The following COMMD7 variants were observed in gnomAD, a reference collection of about 807,000 sequenced individuals.
The protein encoded by COMMD7 is COMM domain-containing protein 7.
COMMD7 carries 28 observed loss-of-function variants against 34.8 expected under a neutral mutation model. That is an observed-to-expected ratio of 0.80 (90% CI 0.60 to 1.10). The LOEUF is 1.10. Ranked by LOEUF, COMMD7 falls within the 50% of genes least tolerant of loss-of-function variation. The pLI is 0.00. For missense variants in COMMD7, 211 were observed against 241.6 expected, an observed-to-expected ratio of 0.87 and a Z score of 0.84; for synonymous variants, 80 against 86.4, an observed-to-expected ratio of 0.93 and a Z score of 0.41.
In COMMD7 at chr20:32,728,292, C is replaced by CA. The variant is rs1327343673; in HGVS notation, c.85-151dup. On this transcript the variant is annotated intron_variant, in intron 1 of 8. Coordinates refer to ENST00000278980, the MANE Select transcript of COMMD7 (RefSeq NM_053041.3). ...ATCATCCTATAGTTACAAATGTTCACAATACCCACCACCAGTGTCAATATA... is the reference window on the plus strand; with the variant it reads ...ATCATCCTATAGTTACAAATGTTCACAAATACCCACCACCAGTGTCAATATA... 1.0e-5 allele frequency: 7 copies of CA among 693,726 alleles called. No individual in the cohort carries two copies. The East Asian group carries it at 1.9e-4, about 19-fold the overall frequency. The allele number at this position is 693,726 out of a possible 1,614,324, so 43.0% of individuals were successfully genotyped here. A position where few individuals can be genotyped will look rare whatever the true frequency, so the allele number is the denominator to read the frequency against.
At chr20:32,728,519 GGAT>G (rs984144659) in intron 1 of COMMD7, among the ~76,000 whole-genome samples, 3 of 151,886 alleles carry the variant, frequency 2.0e-5, no homozygotes, top group Admixed American at 1.3e-4. Context: ...TTACCACTTT[GGAT>G]GATTTTTATT....
At chr20:32,710,562 C>A (rs1984373160) in intron 3 of COMMD7, among the ~76,000 whole-genome samples, 1 of 151,758 alleles carries the variant, frequency 6.6e-6, no homozygotes, top group African/African-American at 2.4e-5. Flanking sequence ...GAGACCCCAT[C>A]TCTACAAAAT....
intron 5 of COMMD7, among the ~76,000 whole-genome samples, chr20:32,705,167 C>T (rs1334765386): frequency 1.3e-5 from 2 of 151,896 alleles, no homozygotes; most frequent in African/African-American, 4.8e-5. Flanking sequence ...GTGCTGCCAT[C>T]ATACTGGCCC....
At position 32,715,100 on chromosome 20, in the gene COMMD7, C is replaced by A. The variant is rs117987891; in HGVS notation, c.242-8340G>T. ...GCAGGGTGGCTGAGCCTGGGGAGAT[C>A]GAGGCTGCAGTAAGCAGAGATTGTG... is the stretch of plus-strand genomic sequence containing the variant. On this transcript the variant is annotated intron_variant, in intron 3 of 8. Coordinates refer to ENST00000278980, the MANE Select transcript of COMMD7 (RefSeq NM_053041.3). Among the ~76,000 whole-genome samples, 351 of 149,696 alleles carry A rather than the reference C, an allele frequency of 2.3e-3. 13 individuals are homozygous for A. In the East Asian group the frequency reaches 0.067, roughly 29 times the overall value.
intron 3 of COMMD7, among the ~76,000 whole-genome samples, chr20:32,719,486 T>A (rs1985020002): frequency 6.6e-6 from 1 of 151,714 alleles, no homozygotes; most frequent in South Asian, 2.1e-4. Flanking sequence ...CCGTCTCTAA[T>A]AAAAATACAA....
chr20:32,742,186 C>CA (rs971373474), intron 1 of COMMD7, among the ~76,000 whole-genome samples: 70 of 140,666 alleles, frequency 5.0e-4, no homozygotes, highest in Middle Eastern at 7.4e-3. Flanking sequence ...GACTACGTCT[C>CA]AAAAAAAAAA....
In COMMD7 at chr20:32,702,783, C is replaced by T. The variant is rs1417469401; in HGVS notation, c.*599G>A. 1 of 152,264 alleles carries T rather than the reference C, an allele frequency of 6.6e-6. No individual in the cohort carries two copies. The highest frequency in any genetic ancestry group is 6.5e-5 in the Admixed American group (1 of 15,278). 9.4% of individuals were successfully genotyped at this position (152,264 alleles called of 1,614,324 possible). A position where few individuals can be genotyped will look rare whatever the true frequency, so the allele number is the denominator to read the frequency against. On this transcript the variant is annotated 3_prime_UTR_variant, in exon 9 of 9. Coordinates refer to ENST00000278980, the MANE Select transcript of COMMD7 (RefSeq NM_053041.3). ...AACTAAAATGGCCTCAAAAGGCCCA[C>T]CTCGTTACGACATGACAGGGCAAAA...
At chr20:32,735,568 C>T (rs57455797) in intron 1 of COMMD7, among the ~76,000 whole-genome samples, 1 of 152,128 alleles carries the variant, frequency 6.6e-6, no homozygotes, top group African/African-American at 2.4e-5. Context: ...CCACCTGCCT[C>T]GGCTTCCCAA....
chr20:32,704,685 C>T, intron 6 of COMMD7, 129 bp downstream of exon 6: 1 of 813,140 alleles, frequency 1.2e-6, no homozygotes, highest in East Asian at 2.5e-5. Flanking sequence ...GGACAGAATA[C>T]AAAACAGCAG....
chr20:32,739,114 A>G (rs1446052747), intron 1 of COMMD7, among the ~76,000 whole-genome samples: 1 of 152,178 alleles, frequency 6.6e-6, no homozygotes, highest in African/African-American at 2.4e-5. Context: ...TTAATATCGT[A>G]TAATAGCTAT....
At chr20:32,726,873 C>T (rs551259778) in intron 3 of COMMD7, among the ~76,000 whole-genome samples, 1 of 152,224 alleles carries the variant, frequency 6.6e-6, no homozygotes, top group African/African-American at 2.4e-5. Flanking sequence ...AAGGAAAGAA[C>T]CTTCACTAAG....
At chr20:32,739,326 A>G (rs1409588728) in intron 1 of COMMD7, among the ~76,000 whole-genome samples, 2 of 152,152 alleles carry the variant, frequency 1.3e-5, no homozygotes, top group Admixed American at 6.6e-5. Context: ...AACTACCTAT[A>G]AAAGTGATTG....
In COMMD7 at chr20:32,716,442, T is replaced by C. The variant is rs186367744; in HGVS notation, c.242-9682A>G. 1.9e-3 allele frequency among the ~76,000 whole-genome samples: 296 copies of C among 152,002 alleles called. 1 individual carries two copies. The highest frequency in any genetic ancestry group is 6.9e-3 in the African/African-American group (285 of 41,478). ...CATCCTGGCTAACACGGTGAAACCCTGTCTCTACTAAAAATACAAAAAATT... is the reference window on the plus strand; with the variant it reads ...CATCCTGGCTAACACGGTGAAACCCCGTCTCTACTAAAAATACAAAAAATT... On this transcript the variant is annotated intron_variant, in intron 3 of 8. Transcript: ENST00000278980.
chr20:32,738,657 A>G (rs1405867191), intron 1 of COMMD7, among the ~76,000 whole-genome samples: 1 of 150,296 alleles, frequency 6.7e-6, no homozygotes, highest in Non-Finnish European at 1.5e-5. Flanking sequence ...CCTGGCCTCA[A>G]GTGATCCCCC....
At chr20:32,710,229 T>C (rs1984355039) in intron 3 of COMMD7, among the ~76,000 whole-genome samples, 1 of 152,118 alleles carries the variant, frequency 6.6e-6, no homozygotes, top group African/African-American at 2.4e-5. Context: ...TGCTGTGGGA[T>C]ATTCTGCATT....
rs527801286 is a variant in COMMD7, at chr20:32,741,004, A to G, written c.84+2304T>C. Reference sequence around the variant, plus strand: ...CTAAAAATACAAAAATTAGCCAGGCATGGTGGTGCACGCCTGTAGTCCCAG... The same window carrying G: ...CTAAAAATACAAAAATTAGCCAGGCGTGGTGGTGCACGCCTGTAGTCCCAG... On this transcript the variant is annotated intron_variant, in intron 1 of 8. Transcript: ENST00000278980. Among the ~76,000 whole-genome samples, 220 of 151,966 alleles carry G rather than the reference A, an allele frequency of 1.4e-3. 1 individual carries two copies. The highest frequency in any genetic ancestry group is 6.8e-3 in the Middle Eastern group (2 of 294).
chr20:32,725,619 A>G (rs953794821), intron 3 of COMMD7, among the ~76,000 whole-genome samples: 3 of 151,872 alleles, frequency 2.0e-5, no homozygotes, highest in Non-Finnish European at 2.9e-5. Flanking sequence ...TAGTAGAGAC[A>G]GGGTTTCACC....
At chr20:32,703,502 A>G in intron 8 of COMMD7, 44 bp from the exon 9 acceptor site, 2 of 1,588,396 alleles carry the variant, frequency 1.3e-6, no homozygotes. Context: ...TTCCAACTCC[A>G]CAGAATCATC....
rs1287046138 is a variant in COMMD7, at chr20:32,723,154, G to GTCTCCC, written c.241+4733_241+4738dup. ...CCTCTCCGTCTCCGTCTCCGTCTCC[G>GTCTCCC]TCTCCCTCTCCCTCTCCCCACGGTC... On this transcript the variant is annotated intron_variant, in intron 3 of 8. Coordinates refer to ENST00000278980, the MANE Select transcript of COMMD7 (RefSeq NM_053041.3). 2.5e-3 allele frequency among the ~76,000 whole-genome samples: 84 copies of GTCTCCC among 34,038 alleles called. 19 individuals are homozygous for GTCTCCC. The highest frequency in any genetic ancestry group is 7.4e-3 in the South Asian group (7 of 942). 22.3% of individuals were successfully genotyped at this position (34,038 alleles called of 152,430 possible). A position where few individuals can be genotyped will look rare whatever the true frequency, so the allele number is the denominator to read the frequency against.
Sources: gnomAD v4.1 joint callset for allele counts (sites outside exome capture counted in the v4.1 genomes callset) on GRCh38, gnomAD v4.1.1 for gene constraint, MANE v1.5 for transcripts, NCBI Gene and HGNC (gene_info 2026-07-23, HGNC 2026-07-21) for gene names.